WDHD1: variants seen among roughly 807,000 people sequenced by gnomAD.
The protein encoded by WDHD1 is WD repeat and HMG-box DNA binding protein 1.
WDHD1 carries 111 observed loss-of-function variants against 135.4 expected under a neutral mutation model. The ratio of observed to expected loss-of-function variants is 0.82; its 90% CI spans 0.70 to 0.96. WDHD1 has a LOEUF of 0.96. Among genes scored for constraint, WDHD1 ranks in the 40% least tolerant of loss-of-function variants. The pLI is 0.00. For missense variants in WDHD1, 1,351 were observed against 1,336.3 expected (o/e 1.01, Z -0.17); for synonymous variants, 434 against 439.0 (o/e 0.99, Z 0.14).
At chr14:55,005,373 C>T in intron 7 of WDHD1, 1 of 565,018 alleles carries the variant, frequency 1.8e-6, no homozygotes, top group Admixed American at 1.9e-5. Flanking sequence ...ATGAAAGTTC[C>T]AGGAGTGAAG....
At chr14:54,984,302 C>A (rs1253928556) in intron 15 of WDHD1, among the ~76,000 whole-genome samples, 2 of 152,164 alleles carry the variant, frequency 1.3e-5, no homozygotes, top group Non-Finnish European at 2.9e-5. Context: ...TGAGACCAGC[C>A]TGGGCAACAT....
At chr14:54,983,680 TA>T (rs113964065) in intron 15 of WDHD1, among the ~76,000 whole-genome samples, 58,787 of 147,626 alleles carry the variant, frequency 0.4, 12,295 homozygotes, top group African/African-American at 0.55. Flanking sequence ...ATTTATTCCT[TA>T]AAAAAAAAAA....
chr14:55,006,216 C>T (rs928526546), intron 7 of WDHD1, among the ~76,000 whole-genome samples: 1 of 152,150 alleles, frequency 6.6e-6, no homozygotes, highest in Non-Finnish European at 1.5e-5. Context: ...TAGGGAAGAA[C>T]TGACATCTTT....
intron 16 of WDHD1, among the ~76,000 whole-genome samples, chr14:54,972,844 T>G (rs1477951427): frequency 1.3e-5 from 2 of 152,062 alleles, no homozygotes; most frequent in African/African-American, 4.8e-5. Flanking sequence ...TATTAGATAT[T>G]GGTCAGAGTG....
At position 54,941,509 on chromosome 14, in the gene WDHD1, A is replaced by G; in HGVS notation, c.3371T>C (p.Phe1124Ser). Residue 1124 changes from phenylalanine (F) to serine (S), a missense_variant, in exon 26 of 26, where the codon TTT (phenylalanine) becomes TCT (serine). Physicochemically the swap from Phe to Ser is radical, Grantham distance 155. Around this residue, in one of 2 missense-constraint regions of WDHD1, gnomAD observed 1,330 missense variants for 1,296.1 expected, o/e 1.03. Transcript: ENST00000360586. ...DFSTNQKLSA[F>S]AFKQE ...CTTCCTTTACTCCTGCTTAAATGCAAAAGCTGATAGTTTCTGATTTGTAGA... is the reference window on the plus strand; with the variant it reads ...CTTCCTTTACTCCTGCTTAAATGCAGAAGCTGATAGTTTCTGATTTGTAGA... 6.2e-7 allele frequency: 1 copy of G among 1,611,606 alleles called. No homozygotes were observed. The highest frequency in any genetic ancestry group is 1.1e-5 in the South Asian group (1 of 90,274).
chr14:54,951,332 C>A (rs1425198334), intron 24 of WDHD1, among the ~76,000 whole-genome samples: 1 of 152,110 alleles, frequency 6.6e-6, no homozygotes, highest in African/African-American at 2.4e-5. Flanking sequence ...ACTGATCCCA[C>A]AGAAATACAA....
chr14:54,968,104 C>T (rs2041374833), intron 16 of WDHD1, among the ~76,000 whole-genome samples: 1 of 152,216 alleles, frequency 6.6e-6, no homozygotes, highest in Non-Finnish European at 1.5e-5. Flanking sequence ...AGGTCAACCA[C>T]ATGCTTGGCC....
chr14:54,947,247 G>A (rs774759876), intron 24 of WDHD1, among the ~76,000 whole-genome samples: 12 of 152,106 alleles, frequency 7.9e-5, no homozygotes, highest in Non-Finnish European at 1.6e-4. Context: ...GCTGAGACAG[G>A]AGAATCACTT....
intron 16 of WDHD1, among the ~76,000 whole-genome samples, chr14:54,975,736 GC>G (rs928366931): frequency 3.3e-5 from 5 of 151,684 alleles, no homozygotes; most frequent in Non-Finnish European, 7.4e-5. Flanking sequence ...TTTTGCTGTT[GC>G]CCAGGCTGTC....
rs767741898 is a variant in WDHD1, at chr14:55,008,589, A to G, written c.453+19T>C. On this transcript the variant is annotated intron_variant, in intron 5 of 25. Coordinates refer to ENST00000360586, the MANE Select transcript of WDHD1 (RefSeq NM_007086.4). ...ACATATTCAGGAAAAACACAAAAAG[A>G]GAAGGAAAAAATAATTACCAGAAAG... 1.9e-6 allele frequency: 3 copies of G among 1,570,334 alleles called. No homozygotes were observed. In the Admixed American group the frequency reaches 6.1e-5, roughly 32 times the overall value.
At chr14:54,953,449 A>T (rs1044451650) in intron 24 of WDHD1, among the ~76,000 whole-genome samples, 3 of 152,184 alleles carry the variant, frequency 2.0e-5, no homozygotes, top group Admixed American at 2.0e-4. Context: ...TTAGAATGGC[A>T]ATCATTAAAA....
intron 16 of WDHD1, among the ~76,000 whole-genome samples, chr14:54,969,724 C>T (rs1282364063): frequency 3.3e-5 from 5 of 152,096 alleles, no homozygotes; most frequent in African/African-American, 1.2e-4. Context: ...ATCCTGATAC[C>T]AAAATCTGGC....
chr14:54,966,046 T>C (rs1277314191), intron 18 of WDHD1, among the ~76,000 whole-genome samples: 2 of 148,968 alleles, frequency 1.3e-5, no homozygotes, highest in African/African-American at 2.5e-5. Flanking sequence ...AACTTAAGAA[T>C]GGCTGGGTGT....
At chr14:54,976,610 C>G (rs1317828671) in intron 16 of WDHD1, among the ~76,000 whole-genome samples, 1 of 152,138 alleles carries the variant, frequency 6.6e-6, no homozygotes, top group African/African-American at 2.4e-5. Context: ...CCGCTATCCA[C>G]AGAAAGGAAA....
Position 54,999,745 on chromosome 14 carries a change from C to T in WDHD1, c.942+758G>A, listed in dbSNP as rs761400331. On this transcript the variant is annotated intron_variant, in intron 10 of 25. Coordinates refer to ENST00000360586, the MANE Select transcript of WDHD1 (RefSeq NM_007086.4). Reference sequence around the variant, plus strand: ...CTGAGTAGGAGCATGAAACTACAGGCACACACCACCACACTTGCCTAATTT... The same window carrying T: ...CTGAGTAGGAGCATGAAACTACAGGTACACACCACCACACTTGCCTAATTT... Among the ~76,000 whole-genome samples, 92 of 152,082 alleles carry T rather than the reference C, an allele frequency of 6.0e-4. 1 individual carries two copies. The highest frequency in any genetic ancestry group is 9.7e-4 in the Non-Finnish European group (66 of 68,000).
intron 24 of WDHD1, among the ~76,000 whole-genome samples, chr14:54,951,429 C>A (rs1189331093): frequency 6.6e-6 from 1 of 151,852 alleles, no homozygotes; most frequent in Non-Finnish European, 1.5e-5. Flanking sequence ...ACACACACAC[C>A]CTCCCAAGAC....
intron 2 of WDHD1, among the ~76,000 whole-genome samples, chr14:55,022,824 C>CTTTTTT (rs869133747): frequency 1.5e-5 from 2 of 136,726 alleles, no homozygotes; most frequent in Non-Finnish European, 1.6e-5. Flanking sequence ...CTTTCTCTTT[C>CTTTTTT]TTTTTTTTTT....
intron 16 of WDHD1, among the ~76,000 whole-genome samples, chr14:54,972,628 G>A (rs1408779797): frequency 7.1e-6 from 1 of 140,954 alleles, no homozygotes; most frequent in East Asian, 2.1e-4. Context: ...CATCAGTTTG[G>A]GAATTCTTAG....
At chr14:55,020,545 A>G (rs1037088425) in intron 2 of WDHD1, among the ~76,000 whole-genome samples, 5 of 152,224 alleles carry the variant, frequency 3.3e-5, no homozygotes, top group East Asian at 1.9e-4. Context: ...TTTCTTACCT[A>G]TATTTACTCC....
Sources: gnomAD v4.1 joint callset for allele counts (sites outside exome capture counted in the v4.1 genomes callset) on GRCh38, gnomAD v4.1.1 for gene constraint, gnomAD v4.1.1 regional missense constraint, MANE v1.5 for transcripts, NCBI Gene and HGNC (gene_info 2026-07-23, HGNC 2026-07-21) for gene names.